LRRTM4: variants seen among roughly 807,000 people sequenced by gnomAD.
The protein encoded by LRRTM4 is leucine rich repeat transmembrane neuronal 4, also known as leucine-rich repeat transmembrane neuronal protein 4.
A neutral mutation model predicts 47.6 loss-of-function variants in LRRTM4; 25 were observed. The ratio of observed to expected loss-of-function variants is 0.53; its 90% CI spans 0.38 to 0.73. The LOEUF (loss-of-function observed/expected upper bound fraction) is 0.73. LRRTM4 is among the 30% of genes least tolerant of loss of function. The pLI, the probability that LRRTM4 is intolerant of heterozygous loss-of-function variation, is 0.00. For synonymous variants in LRRTM4, 311 were observed against 269.5 expected (o/e 1.15, Z -1.51); for missense variants, 638 against 713.4 (o/e 0.89, Z 1.20).
At chr2:76,938,813 T>C (rs1256591454) in intron 3 of LRRTM4, among the ~76,000 whole-genome samples, 4 of 152,112 alleles carry the variant, frequency 2.6e-5, no homozygotes, top group Non-Finnish European at 4.4e-5. Flanking sequence ...GAAAAACAAA[T>C]AGCAAAATAT....
chr2:76,957,920 G>C (rs1461219037), intron 3 of LRRTM4, among the ~76,000 whole-genome samples: 3 of 151,252 alleles, frequency 2.0e-5, no homozygotes, highest in Non-Finnish European at 1.5e-5. Flanking sequence ...GTTTGTGTGT[G>C]TGTATATATA....
intron 3 of LRRTM4, among the ~76,000 whole-genome samples, chr2:77,413,228 G>A (rs750791972): frequency 2.0e-5 from 3 of 152,094 alleles, no homozygotes; most frequent in African/African-American, 4.8e-5. Context: ...GAACTAAAAC[G>A]AAATTTGTTG....
intron 3 of LRRTM4, among the ~76,000 whole-genome samples, chr2:77,165,537 GA>G (rs1270811637): frequency 4.6e-5 from 7 of 152,178 alleles, no homozygotes; most frequent in African/African-American, 1.7e-4. Flanking sequence ...TATCCCTAAT[GA>G]ACATTGATGC....
intron 3 of LRRTM4, among the ~76,000 whole-genome samples, chr2:76,836,721 G>C (rs1471447094): frequency 1.3e-5 from 2 of 152,024 alleles, no homozygotes; most frequent in Non-Finnish European, 2.9e-5. Flanking sequence ...CATTTACTAA[G>C]TAGCACAGCT....
intron 3 of LRRTM4, among the ~76,000 whole-genome samples, chr2:77,143,014 A>C (rs1296139424): frequency 6.6e-6 from 1 of 152,178 alleles, no homozygotes; most frequent in Non-Finnish European, 1.5e-5. Flanking sequence ...ATTTAAACAA[A>C]ATGAGACACA....
At chr2:76,822,124 C>T (rs1321334424) in intron 3 of LRRTM4, among the ~76,000 whole-genome samples, 2 of 151,374 alleles carry the variant, frequency 1.3e-5, no homozygotes, top group East Asian at 3.9e-4. Context: ...GATCCTATCT[C>T]TGGAAAATAT....
intron 3 of LRRTM4, among the ~76,000 whole-genome samples, chr2:76,755,697 G>A (rs992031148): frequency 2.6e-5 from 4 of 152,114 alleles, no homozygotes; most frequent in Non-Finnish European, 4.4e-5. Context: ...TGTGTAAAAT[G>A]AGAGAGAGCA....
At chr2:77,410,384 T>A (rs1674372045) in intron 3 of LRRTM4, among the ~76,000 whole-genome samples, 1 of 152,160 alleles carries the variant, frequency 6.6e-6, no homozygotes, top group African/African-American at 2.4e-5. Context: ...ACACTGGTAC[T>A]TGAAACCCCT....
chr2:76,911,537 G>A (rs1188118959), intron 3 of LRRTM4, among the ~76,000 whole-genome samples: 4 of 152,034 alleles, frequency 2.6e-5, no homozygotes, highest in African/African-American at 9.7e-5. Context: ...CAAGATAATG[G>A]CAGTGGGATA....
chr2:77,179,419 T>A (rs963768115), intron 3 of LRRTM4, among the ~76,000 whole-genome samples: 3 of 152,158 alleles, frequency 2.0e-5, no homozygotes, highest in Non-Finnish European at 4.4e-5. Context: ...AATATTTAAC[T>A]TTTTCCCTTG....
intron 3 of LRRTM4, among the ~76,000 whole-genome samples, chr2:77,374,191 A>C (rs1194783191): frequency 6.6e-5 from 10 of 151,838 alleles, no homozygotes; most frequent in Non-Finnish European, 2.9e-5. Flanking sequence ...TAGCTGTAGA[A>C]AATAAAAGAC....
intron 3 of LRRTM4, among the ~76,000 whole-genome samples, chr2:77,363,880 A>G (rs1426912479): frequency 6.6e-6 from 1 of 152,164 alleles, no homozygotes; most frequent in Non-Finnish European, 1.5e-5. Flanking sequence ...TTCAAAAATG[A>G]AAAGAAAAAT....
intron 3 of LRRTM4, among the ~76,000 whole-genome samples, chr2:77,314,146 A>G (rs1677551743): frequency 6.6e-6 from 1 of 152,178 alleles, no homozygotes; most frequent in Admixed American, 6.5e-5. Context: ...TATCATATTC[A>G]AAGCTTCTAA....
intron 3 of LRRTM4, among the ~76,000 whole-genome samples, chr2:76,958,377 T>C (rs1349292060): frequency 3.3e-5 from 5 of 151,812 alleles, no homozygotes; most frequent in African/African-American, 4.8e-5. Context: ...GATAGATAAC[T>C]GAGCCCCATA....
At chr2:77,443,183 C>T (rs575139603) in intron 3 of LRRTM4, among the ~76,000 whole-genome samples, 110 of 152,148 alleles carry the variant, frequency 7.2e-4, no homozygotes, top group Non-Finnish European at 1.4e-3. Flanking sequence ...CCATTCCAGC[C>T]GACGTTTGCA....
At chr2:76,903,276 C>T (rs1165917253) in intron 3 of LRRTM4, among the ~76,000 whole-genome samples, 1 of 152,148 alleles carries the variant, frequency 6.6e-6, no homozygotes, top group Non-Finnish European at 1.5e-5. Flanking sequence ...GTGGAGGACA[C>T]CTGTAATCCC....
intron 3 of LRRTM4, among the ~76,000 whole-genome samples, chr2:77,309,704 T>C (rs558964734): frequency 9.9e-5 from 15 of 151,666 alleles, no homozygotes; most frequent in East Asian, 7.8e-4. Context: ...GATAGATAGA[T>C]AGATAGATAG....
intron 3 of LRRTM4, among the ~76,000 whole-genome samples, chr2:77,340,387 A>G (rs1241838860): frequency 6.6e-6 from 1 of 152,018 alleles, no homozygotes; most frequent in African/African-American, 2.4e-5. Flanking sequence ...AATCTGTTCT[A>G]TAAGACTGCT....
rs1197590329 is a variant in LRRTM4, at chr2:76,777,858, C to G, written c.1552-28942G>C. Among the ~76,000 whole-genome samples, 60 of 123,100 alleles carry G rather than the reference C, an allele frequency of 4.9e-4. 1 individual carries two copies. Among genetic ancestry groups the G allele is most frequent in the Non-Finnish European group, 3.8e-4 (22 of 58,302 alleles). 80.8% of individuals were successfully genotyped at this position (123,100 alleles called of 152,430 possible). On this transcript the variant is annotated intron_variant, in intron 3 of 3. Coordinates refer to ENST00000409884, the MANE Select transcript of LRRTM4 (RefSeq NM_001134745.3). ...GTGCCAGTTTTCAAAGGGAATGCTTCCAGTTTTTGCCCATTCAGTATGATA... is the reference window on the plus strand; with the variant it reads ...GTGCCAGTTTTCAAAGGGAATGCTTGCAGTTTTTGCCCATTCAGTATGATA...
Sources: allele counts gnomAD v4.1 joint callset (sites outside exome capture counted in the v4.1 genomes callset), GRCh38; gene constraint gnomAD v4.1.1; transcripts MANE v1.5; gene names NCBI Gene and HGNC (gene_info 2026-07-23, HGNC 2026-07-21).